Variants in CAB39L observed in about 807,000 individuals in gnomAD.
CAB39L encodes calcium-binding protein 39-like.
CAB39L carries 23 observed loss-of-function variants against 39.1 expected under a neutral mutation model. The ratio of observed to expected loss-of-function variants is 0.59; its 90% confidence interval spans 0.42 to 0.83. The LOEUF (loss-of-function observed/expected upper bound fraction) is 0.83. Ranked by LOEUF, CAB39L falls within the 40% of genes least tolerant of loss-of-function variation. The pLI is 0.00. For missense variants in CAB39L, 366 were observed against 391.9 expected, an observed-to-expected ratio of 0.93 and a Z score of 0.56; for synonymous variants, 126 against 137.2, an observed-to-expected ratio of 0.92 and a Z score of 0.57.
chr13:49,374,908 T>C (rs1956014628), intron 5 of CAB39L, among the ~76,000 whole-genome samples: 1 of 152,240 alleles, frequency 6.6e-6, no homozygotes, highest in Admixed American at 6.5e-5. Context: ...AGTAGCTTAA[T>C]ATGCTGCTGT....
At chr13:49,426,588 G>A (rs1053607412) in intron 3 of CAB39L, among the ~76,000 whole-genome samples, 5 of 152,040 alleles carry the variant, frequency 3.3e-5, no homozygotes, top group Admixed American at 6.6e-5. Context: ...CACCACACCC[G>A]GCTAATTTTT....
intron 10 of CAB39L, among the ~76,000 whole-genome samples, chr13:49,329,542 AAAATATATATATATAT>A (rs1324376118): frequency 0.017 from 655 of 38,420 alleles, 36 homozygotes; most frequent in East Asian, 0.043. Context: ...ATTAAAAAAA[AAAATATATATATATAT>A]ATATATATAT....
intron 6 of CAB39L, among the ~76,000 whole-genome samples, chr13:49,354,435 G>A (rs572642738): frequency 3.3e-5 from 5 of 152,268 alleles, no homozygotes; most frequent in African/African-American, 1.2e-4. Flanking sequence ...ATTTAAAGAA[G>A]TGCTCCAAAA....
Position 49,308,792 on chromosome 13 carries a change from T to C in CAB39L, c.*2022A>G, listed in dbSNP as rs367595697. 143 of 152,630 alleles carry C rather than the reference T, an allele frequency of 9.4e-4. 1 individual carries two copies. Among genetic ancestry groups the C allele is most frequent in the Middle Eastern group, 3.4e-3 (1 of 292 alleles). The allele number at this position is 152,630 out of a possible 1,614,324, so 9.5% of individuals were successfully genotyped here. A position where few individuals can be genotyped will look rare whatever the true frequency, so the allele number is the denominator to read the frequency against. Reference sequence around the variant, plus strand: ...ATCCCCCTTTGTGCAAAGGGGGAGCTTCCTGCTCCCCCTTTCACATTAATA... The same window carrying C: ...ATCCCCCTTTGTGCAAAGGGGGAGCCTCCTGCTCCCCCTTTCACATTAATA... On this transcript the variant is annotated 3_prime_UTR_variant, in exon 11 of 11. Coordinates refer to ENST00000409308, the MANE Select transcript of CAB39L (RefSeq NM_001079670.3).
chr13:49,346,100 G>GATATATATATATATATGCTAGATATATAT (rs1955155747), intron 7 of CAB39L, among the ~76,000 whole-genome samples: 1 of 30,946 alleles, frequency 3.2e-5, no homozygotes, highest in African/African-American at 1.4e-4. Flanking sequence ...ATATATGCTA[G>GATATATATATATATATGCTAGATATATAT]ATATATATAT....
intron 5 of CAB39L, among the ~76,000 whole-genome samples, chr13:49,375,975 C>T (rs1040953106): frequency 4.6e-5 from 7 of 152,184 alleles, no homozygotes; most frequent in African/African-American, 9.7e-5. Context: ...CTGGACTGCA[C>T]GCCTCCTGGC....
intron 1 of CAB39L, among the ~76,000 whole-genome samples, chr13:49,440,039 G>C (rs1049536133): frequency 7.1e-6 from 1 of 140,322 alleles, no homozygotes; most frequent in African/African-American, 2.7e-5. Flanking sequence ...TTATCTGTTT[G>C]CTCTGTTAAT....
chr13:49,360,527 TA>T (rs1340385988), intron 5 of CAB39L, among the ~76,000 whole-genome samples: 1 of 152,204 alleles, frequency 6.6e-6, no homozygotes, highest in Non-Finnish European at 1.5e-5. Context: ...TCATACACCT[TA>T]CAACCTGTCT....
intron 3 of CAB39L, among the ~76,000 whole-genome samples, chr13:49,407,424 T>C (rs1474376459): frequency 6.6e-6 from 1 of 152,114 alleles, no homozygotes; most frequent in Admixed American, 6.6e-5. Context: ...CCAATGAATG[T>C]TTAAGGTACA....
At chr13:49,379,134 G>T (rs1296930453) in intron 4 of CAB39L, among the ~76,000 whole-genome samples, 1 of 46,094 alleles carries the variant, frequency 2.2e-5, no homozygotes, top group Non-Finnish European at 4.3e-5. Context: ...GCCTCTGCCC[G>T]GCCGCCCCTA....
chr13:49,432,239 T>TGCTG (rs1180502291), intron 3 of CAB39L, among the ~76,000 whole-genome samples: 1 of 152,090 alleles, frequency 6.6e-6, no homozygotes, highest in Non-Finnish European at 1.5e-5. Flanking sequence ...ACTGCAGCCT[T>TGCTG]GACCCCCAGG....
chr13:49,403,553 A>G (rs1329824712), intron 3 of CAB39L, among the ~76,000 whole-genome samples: 1 of 152,182 alleles, frequency 6.6e-6, no homozygotes, highest in Non-Finnish European at 1.5e-5. Flanking sequence ...TAGTATACAA[A>G]GACATTAAAA....
intron 3 of CAB39L, among the ~76,000 whole-genome samples, chr13:49,383,185 A>G (rs78546058): frequency 0.011 from 1,600 of 152,238 alleles, 11 homozygotes; most frequent in South Asian, 0.036. Flanking sequence ...CAATAGAAAC[A>G]TAAGGATTAT....
At position 49,423,444 on chromosome 13, in the gene CAB39L, A is replaced by G. The variant is rs1430978494; in HGVS notation, c.-32+9874T>C. On this transcript the variant is annotated intron_variant, in intron 3 of 10. Transcript: ENST00000409308. ...TAAGAGTAAGAATTAGAGGCCAGGG[A>G]CAGTGGCTCACATCTATAATCCCAA... Among the ~76,000 whole-genome samples, 6 of 152,196 alleles carry G rather than the reference A, an allele frequency of 3.9e-5. No individual in the cohort carries two copies. The East Asian group carries it at 1.2e-3, about 29-fold the overall frequency.
At chr13:49,383,842 T>A in intron 3 of CAB39L, among the ~76,000 whole-genome samples, 1 of 152,242 alleles carries the variant, frequency 6.6e-6, no homozygotes, top group Middle Eastern at 3.4e-3. Flanking sequence ...AAAAACAAAA[T>A]GAAAACAATA....
rs184597260 is a variant in CAB39L at position 49,395,784 on chromosome 13, T to C, written c.-31-12843A>G. Reference sequence around the variant, plus strand: ...AGATGGCCCAAAATCAACCACCCAATTGAGTCATCTGAATATGTTCAGTGA... The same window carrying C: ...AGATGGCCCAAAATCAACCACCCAACTGAGTCATCTGAATATGTTCAGTGA... On this transcript the variant is annotated intron_variant, in intron 3 of 10. Transcript: ENST00000409308. Among the ~76,000 whole-genome samples the C allele has an allele frequency of 3.9e-5, 6 of 152,222 alleles. No individual in the cohort carries two copies. In the South Asian group the frequency reaches 6.2e-4, roughly 16 times the overall value.
intron 3 of CAB39L, among the ~76,000 whole-genome samples, chr13:49,414,962 G>C (rs1337869623): frequency 1.3e-5 from 2 of 152,110 alleles, no homozygotes; most frequent in African/African-American, 4.8e-5. Context: ...GGGAGGCCGA[G>C]GTGGAGGTGG....
chr13:49,380,717 G>C (rs528234686), intron 4 of CAB39L, among the ~76,000 whole-genome samples: 2 of 152,140 alleles, frequency 1.3e-5, no homozygotes, highest in African/African-American at 4.8e-5. Context: ...AAGGAGAGCA[G>C]ATTAATTTAG....
intron 4 of CAB39L, among the ~76,000 whole-genome samples, chr13:49,378,603 C>T (rs1399189630): frequency 6.8e-5 from 5 of 73,992 alleles, no homozygotes; most frequent in African/African-American, 3.2e-4. Flanking sequence ...GTCAGCCCTC[C>T]GCCCGGCCAG....
Sources: allele counts gnomAD v4.1 joint callset (sites outside exome capture counted in the v4.1 genomes callset), GRCh38; gene constraint gnomAD v4.1.1; transcripts MANE v1.5; gene names NCBI Gene and HGNC (gene_info 2026-07-23, HGNC 2026-07-21).